Variants in CECR2 observed in about 807,000 individuals in gnomAD.
The protein encoded by CECR2 is CECR2 histone acetyl-lysine reader.
Under a neutral mutation model 154.5 loss-of-function variants are expected in CECR2, and 30 were observed. The observed-to-expected ratio is 0.19, with a 90% confidence interval of 0.15 to 0.26. CECR2 has a LOEUF of 0.26. Among genes scored for constraint, CECR2 ranks in the 10% least tolerant of loss-of-function variants. The probability of loss-of-function intolerance (pLI) is 1.00; values close to 1 mark genes in which losing one functional copy is unlikely to be tolerated. For missense variants in CECR2, 1,743 were observed against 1,829.3 expected, an observed-to-expected ratio of 0.95 and a Z score of 0.86; for synonymous variants, 725 against 683.7, an observed-to-expected ratio of 1.06 and a Z score of -0.94.
At chr22:17,532,427 T>C (rs1243136483) in intron 9 of CECR2, among the ~76,000 whole-genome samples, 2 of 152,234 alleles carry the variant, frequency 1.3e-5, no homozygotes, top group East Asian at 3.9e-4. Context: ...AATAATAGAA[T>C]GAAACTTCCT....
At chr22:17,368,667 C>T (rs1205814284), upstream of CECR2, among the ~76,000 whole-genome samples, 4 of 152,144 alleles carry the variant, frequency 2.6e-5, no homozygotes, top group African/African-American at 9.7e-5. Flanking sequence ...TCTGCCCCAT[C>T]CCCCCGCCTT....
chr22:17,522,971 C>T (rs975893770), intron 8 of CECR2, among the ~76,000 whole-genome samples: 1 of 150,294 alleles, frequency 6.7e-6, no homozygotes, highest in African/African-American at 2.4e-5. Context: ...TGCCACTGCA[C>T]TCCAGCCTTG....
intron 1 of CECR2, among the ~76,000 whole-genome samples, chr22:17,414,476 G>A (rs1219427406): frequency 5.6e-5 from 8 of 142,794 alleles, no homozygotes; most frequent in African/African-American, 1.3e-4. Context: ...TTTTTAGAAC[G>A]AAACCCATTT....
intron 1 of CECR2, among the ~76,000 whole-genome samples, chr22:17,372,460 G>A (rs1269008128): frequency 6.6e-6 from 1 of 152,142 alleles, no homozygotes; most frequent in African/African-American, 2.4e-5. Context: ...GAAGTCAGGA[G>A]TTCGAGACGA....
At chr22:17,446,990 G>A (rs894505352) in intron 1 of CECR2, among the ~76,000 whole-genome samples, 159 of 148,166 alleles carry the variant, frequency 1.1e-3, no homozygotes, top group Non-Finnish European at 1.8e-3. Context: ...ACACAGTGCC[G>A]ATTGGTGCAT....
intron 7 of CECR2, among the ~76,000 whole-genome samples, chr22:17,506,049 G>C (rs539074055): frequency 6.6e-6 from 1 of 151,678 alleles, no homozygotes; most frequent in African/African-American, 2.4e-5. Context: ...GTCTTGCTCT[G>C]CTGCCTAGGC....
chr22:17,452,180 C>T (rs966904335), intron 1 of CECR2, among the ~76,000 whole-genome samples: 1 of 152,224 alleles, frequency 6.6e-6, no homozygotes, highest in Non-Finnish European at 1.5e-5. Flanking sequence ...TCAAGTGATT[C>T]TCCTGTCTCA....
At chr22:17,529,572 T>C (rs1323300838) in intron 9 of CECR2, among the ~76,000 whole-genome samples, 6 of 151,216 alleles carry the variant, frequency 4.0e-5, no homozygotes, top group African/African-American at 2.5e-5. Flanking sequence ...TGGTGGCACA[T>C]GCCTGTAGTC....
intron 8 of CECR2, among the ~76,000 whole-genome samples, chr22:17,520,839 T>C (rs183878877): frequency 3.3e-4 from 50 of 152,332 alleles, no homozygotes; most frequent in African/African-American, 1.1e-3. Context: ...TTGATGTCCA[T>C]TGATGGACAA....
intron 2 of CECR2, among the ~76,000 whole-genome samples, chr22:17,477,949 T>G (rs143183491): frequency 6.6e-6 from 1 of 152,372 alleles, no homozygotes; most frequent in East Asian, 1.9e-4. Flanking sequence ...TATTTTAGTG[T>G]AGAATTTCTT....
intron 12 of CECR2, 65 bp from the exon 13 acceptor site, chr22:17,538,928 T>C: frequency 6.4e-7 from 1 of 1,553,776 alleles, no homozygotes; most frequent in South Asian, 1.2e-5. Context: ...TCTCTGTCTC[T>C]CTCTCTCTAT....
intron 1 of CECR2, among the ~76,000 whole-genome samples, chr22:17,396,495 C>T (rs1173267958): frequency 1.3e-5 from 2 of 152,152 alleles, no homozygotes; most frequent in Admixed American, 1.3e-4. Flanking sequence ...TGCGGTGAGC[C>T]GGGATTGCAC....
chr22:17,370,110 C>T lies in CECR2; in HGVS notation c.126+201C>T, dbSNP rs1432530267. On this transcript the variant is annotated intron_variant, in intron 1 of 18. Transcript: ENST00000262608. ...TGCCCGGGTGCCGAGGGGCGTCGGG[C>T]CGGGGACGCCGGATCCTGGGGTGGA... Among the ~76,000 whole-genome samples the T allele has an allele frequency of 7.3e-5, 11 of 151,118 alleles. 1 individual carries two copies. The highest frequency in any genetic ancestry group is 5.9e-4 in the Admixed American group (9 of 15,214).
At chr22:17,368,819 G>A (rs2063019797), upstream of CECR2, among the ~76,000 whole-genome samples, 1 of 152,016 alleles carries the variant, frequency 6.6e-6, no homozygotes, top group Non-Finnish European at 1.5e-5. Flanking sequence ...GCTGCTGATT[G>A]GTGCCTCCCC....
At chr22:17,546,103 C>A (rs2056609796) in intron 16 of CECR2, among the ~76,000 whole-genome samples, 1 of 151,898 alleles carries the variant, frequency 6.6e-6, no homozygotes, top group Non-Finnish European at 1.5e-5. Context: ...TTTAGTATTT[C>A]TTTTGTGGAA....
At chr22:17,376,491 TCG>T (rs67757180) in intron 1 of CECR2, among the ~76,000 whole-genome samples, 22,249 of 152,078 alleles carry the variant, frequency 0.15, 2,454 homozygotes, top group African/African-American at 0.3. Flanking sequence ...GTGCTGGGGC[TCG>T]CACAATGCAG....
intron 1 of CECR2, among the ~76,000 whole-genome samples, chr22:17,473,873 A>T (rs1310046020): frequency 1.3e-5 from 2 of 152,226 alleles, no homozygotes; most frequent in African/African-American, 4.8e-5. Context: ...AAACATTTTA[A>T]CTGATCAGCC....
chr22:17,538,462 G>A, intron 10 of CECR2, 58 bp from the exon 11 acceptor site: 1 of 1,463,560 alleles, frequency 6.8e-7, no homozygotes, highest in African/African-American at 1.4e-5. Context: ...AGACCTGAGA[G>A]AGCTCAGGAG....
In CECR2 at chr22:17,553,598, C is replaced by T. The variant is rs756737921; in HGVS notation, c.*758C>T. The T allele has an allele frequency of 3.3e-5, 5 of 152,210 alleles. No homozygotes were observed. Among genetic ancestry groups the T allele is most frequent in the Admixed American group, 6.5e-5 (1 of 15,270 alleles). The allele number at this position is 152,210 out of a possible 1,614,324, so 9.4% of individuals were successfully genotyped here. On this transcript the variant is annotated 3_prime_UTR_variant, in exon 19 of 19. Transcript: ENST00000262608. ...AGAGAGAACACCTGTCCCCTAAGCA[C>T]CTGGTGTCTCCATTGGAGGCAGACT...
Sources: allele counts gnomAD v4.1 joint callset (sites outside exome capture counted in the v4.1 genomes callset), GRCh38; gene constraint gnomAD v4.1.1; transcripts MANE v1.5; gene names NCBI Gene and HGNC (gene_info 2026-07-23, HGNC 2026-07-21).